The following TMCO4 variants were observed in gnomAD, a reference collection of about 807,000 sequenced individuals.
TMCO4 encodes transmembrane and coiled-coil domain-containing protein 4.
TMCO4 carries 58 observed loss-of-function variants against 64.7 expected under a neutral mutation model. The ratio of observed to expected loss-of-function variants is 0.90; its 90% CI spans 0.73 to 1.12. TMCO4 has a LOEUF of 1.12. TMCO4 is among the 50% of genes most tolerant of loss of function. The pLI is 0.00. For synonymous variants in TMCO4, 325 were observed against 346.1 expected (o/e 0.94, Z 0.68); for missense variants, 780 against 825.9 (o/e 0.94, Z 0.68).
chr1:19,737,029 A>ATCC (rs1367927236), intron 13 of TMCO4, among the ~76,000 whole-genome samples: 2 of 152,106 alleles, frequency 1.3e-5, no homozygotes, highest in Non-Finnish European at 2.9e-5. Context: ...GACAGGAAAA[A>ATCC]TCCTCCACTA....
At chr1:19,706,928 C>T (rs188169475) in intron 13 of TMCO4, among the ~76,000 whole-genome samples, 21 of 152,298 alleles carry the variant, frequency 1.4e-4, no homozygotes, top group African/African-American at 4.8e-4. Flanking sequence ...GATTGCACAG[C>T]TCTATATATG....
intron 14 of TMCO4, among the ~76,000 whole-genome samples, chr1:19,696,508 A>G: frequency 6.6e-6 from 1 of 152,042 alleles, no homozygotes; most frequent in East Asian, 1.9e-4. Context: ...CCATGGTTGT[A>G]CCACTGCACT....
intron 7 of TMCO4, among the ~76,000 whole-genome samples, chr1:19,748,834 GTGAATGAA>G (rs67937049): frequency 1.4e-5 from 2 of 141,174 alleles, no homozygotes; most frequent in African/African-American, 5.3e-5. Context: ...GAATGAATGA[GTGAATGAA>G]TGAATGAATG....
At chr1:19,797,861 C>CA (rs554180355) in intron 2 of TMCO4, among the ~76,000 whole-genome samples, 6,880 of 44,154 alleles carry the variant, frequency 0.16, 378 homozygotes, top group East Asian at 0.28. Flanking sequence ...GAGACTCTGT[C>CA]AAAAAAAAAA....
chr1:19,693,154 G>A (rs1397774720), intron 15 of TMCO4, among the ~76,000 whole-genome samples: 33 of 90,252 alleles, frequency 3.7e-4, no homozygotes, highest in Non-Finnish European at 5.2e-4. Context: ...GCCTGAGCGA[G>A]ACCCCATCTC....
intron 14 of TMCO4, among the ~76,000 whole-genome samples, chr1:19,697,631 C>T (rs564050757): frequency 6.6e-6 from 1 of 151,132 alleles, no homozygotes; most frequent in South Asian, 2.1e-4. Context: ...CATAGTCTCG[C>T]TCTGTTGCTC....
intron 9 of TMCO4, among the ~76,000 whole-genome samples, chr1:19,746,002 C>T (rs1298728786): frequency 6.6e-6 from 1 of 152,108 alleles, no homozygotes; most frequent in Non-Finnish European, 1.5e-5. Context: ...ATCAAACAGA[C>T]CAAGAGTCTC....
At chr1:19,752,916 C>T (rs762880837) in intron 7 of TMCO4, among the ~76,000 whole-genome samples, 31 of 151,250 alleles carry the variant, frequency 2.0e-4, no homozygotes, top group Non-Finnish European at 4.0e-4. Flanking sequence ...ATGCTGGCAA[C>T]GTTCTTACGA....
chr1:19,742,197 A>G (rs1357180612), intron 10 of TMCO4, among the ~76,000 whole-genome samples: 1 of 152,126 alleles, frequency 6.6e-6, no homozygotes, highest in East Asian at 1.9e-4. Flanking sequence ...CTCCTCTGAC[A>G]AAACAAATGC....
In TMCO4 at chr1:19,741,597, G is replaced by C. The variant is rs565653473; in HGVS notation, c.878-656C>G. ...GTAGCGGCCGATGCCAAGTCGGAAA[G>C]TATAACCATGACACCTGCCTCCCTC... On this transcript the variant is annotated intron_variant, in intron 10 of 15. Transcript: ENST00000294543. 1.9e-3 allele frequency among the ~76,000 whole-genome samples: 283 copies of C among 152,250 alleles called. 2 individuals are homozygous for C. The highest frequency in any genetic ancestry group is 6.4e-3 in the African/African-American group (266 of 41,540).
chr1:19,771,384 C>G lies in TMCO4; in HGVS notation c.278G>C (p.Gly93Ala). 6.2e-7 allele frequency: 1 copy of G among 1,614,208 alleles called. No individual in the cohort carries two copies. Among genetic ancestry groups the G allele is most frequent in the Non-Finnish European group, 8.5e-7 (1 of 1,180,046 alleles). ...TMTAFASGLG[G>A]EGADVFVQIL... ...TTGAACAAACACATCTGCTCCTTCA[C>G]CTCCCAGGCCGCTCGCAAAAGCAGT... The change falls in exon 5 of 16, where the codon GGT becomes GCT. Residue 93 changes from glycine to alanine, a missense_variant. Gly to Ala is a moderately conservative substitution (Grantham distance 60, BLOSUM62 0). Coordinates refer to ENST00000294543, the MANE Select transcript of TMCO4 (RefSeq NM_181719.7).
chr1:19,767,894 C>T (rs1201434599), intron 6 of TMCO4, among the ~76,000 whole-genome samples: 3 of 152,070 alleles, frequency 2.0e-5, no homozygotes, highest in African/African-American at 7.2e-5. Flanking sequence ...GAGTTCGAGA[C>T]CAGCCTGGCC....
rs761224677 is a variant in TMCO4 at position 19,683,455 on chromosome 1, C to A, written c.1501-11G>T. 1.9e-6 allele frequency: 3 copies of A among 1,611,646 alleles called. No homozygotes were observed. In the South Asian group the frequency reaches 3.3e-5, roughly 18 times the overall value. ...CAGGTGGCCGCTGACCTGCAGGAGACAGTGAGTGAGCACCACCGTGGGTGT... is the reference window on the plus strand; with the variant it reads ...CAGGTGGCCGCTGACCTGCAGGAGAAAGTGAGTGAGCACCACCGTGGGTGT... On this transcript the variant is annotated splice_polypyrimidine_tract_variant and intron_variant, in intron 15 of 15. Transcript: ENST00000294543.
chr1:19,729,976 A>G (rs1557524706), intron 13 of TMCO4, among the ~76,000 whole-genome samples: 1 of 152,236 alleles, frequency 6.6e-6, no homozygotes, highest in Non-Finnish European at 1.5e-5. Context: ...ACCACAAGCA[A>G]AAAATAGTGC....
intron 13 of TMCO4, among the ~76,000 whole-genome samples, chr1:19,726,646 C>T (rs1295120571): frequency 8.5e-5 from 13 of 152,178 alleles, no homozygotes; most frequent in Admixed American, 3.3e-4. Flanking sequence ...AAGTGTTTAA[C>T]TGTGCCTGGC....
chr1:19,694,001 T>C (rs2095217767), intron 15 of TMCO4, among the ~76,000 whole-genome samples: 2 of 152,054 alleles, frequency 1.3e-5, no homozygotes, highest in South Asian at 4.1e-4. Flanking sequence ...TGTATATCTA[T>C]GTGTGTTTTT....
intron 6 of TMCO4, among the ~76,000 whole-genome samples, chr1:19,762,828 C>G (rs928492247): frequency 7.2e-5 from 11 of 152,180 alleles, no homozygotes; most frequent in African/African-American, 2.2e-4. Flanking sequence ...TGGGTCGGGG[C>G]TGACCTCGTA....
At chr1:19,765,044 T>C (rs949741386) in intron 6 of TMCO4, among the ~76,000 whole-genome samples, 3 of 152,050 alleles carry the variant, frequency 2.0e-5, no homozygotes, top group Non-Finnish European at 4.4e-5. Context: ...GGCTCAAGTG[T>C]GTGTGCCTCC....
chr1:19,708,378 C>CT (rs760954289), intron 13 of TMCO4, among the ~76,000 whole-genome samples: 22 of 149,234 alleles, frequency 1.5e-4, no homozygotes, highest in East Asian at 9.7e-4. Context: ...ATTATCTTAG[C>CT]TTTTTAAAAA....
Sources: gnomAD v4.1 joint callset for allele counts (sites outside exome capture counted in the v4.1 genomes callset) on GRCh38, gnomAD v4.1.1 for gene constraint, MANE v1.5 for transcripts, NCBI Gene and HGNC (gene_info 2026-07-23, HGNC 2026-07-21) for gene names.